The following NELL1 variants were observed in gnomAD, a reference collection of about 807,000 sequenced individuals.
The protein encoded by NELL1 is neural EGFL like 1.
In NELL1, 76 loss-of-function variants were observed where a neutral mutation model predicts 107.4. That is an observed-to-expected ratio of 0.71 (90% confidence interval 0.59 to 0.86). The LOEUF is 0.86. Ranked by LOEUF, NELL1 falls within the 40% of genes least tolerant of loss-of-function variation. The pLI is 0.00. For missense variants in NELL1, 1,024 were observed against 1,005.5 expected, an observed-to-expected ratio of 1.02 and a Z score of -0.25; for synonymous variants, 353 against 341.2, an observed-to-expected ratio of 1.03 and a Z score of -0.38.
chr11:21,358,293 A>C (rs1016609518), intron 14 of NELL1, among the ~76,000 whole-genome samples: 2 of 152,062 alleles, frequency 1.3e-5, no homozygotes, highest in Non-Finnish European at 2.9e-5. Context: ...ATGTGTCTCC[A>C]TTTGTTTGTG....
chr11:21,133,112 A>G (rs1855662794), intron 13 of NELL1, among the ~76,000 whole-genome samples: 1 of 152,108 alleles, frequency 6.6e-6, no homozygotes, highest in Non-Finnish European at 1.5e-5. Context: ...CATCCCAACA[A>G]GTGTCCAGCT....
chr11:21,531,916 A>T (rs1383533229), intron 15 of NELL1, among the ~76,000 whole-genome samples: 1 of 152,140 alleles, frequency 6.6e-6, no homozygotes, highest in Non-Finnish European at 1.5e-5. Context: ...TGGGTCTGTG[A>T]TGGTTGCTTT....
chr11:20,951,517 G>C (rs1851068172), intron 11 of NELL1, among the ~76,000 whole-genome samples: 1 of 151,972 alleles, frequency 6.6e-6, no homozygotes, highest in Non-Finnish European at 1.5e-5. Flanking sequence ...CCAAGCTAGG[G>C]GCTCAGATAC....
At chr11:21,431,745 C>T (rs1852970195) in intron 15 of NELL1, among the ~76,000 whole-genome samples, 2 of 152,174 alleles carry the variant, frequency 1.3e-5, no homozygotes, top group Non-Finnish European at 2.9e-5. Context: ...CTGTTTTGCT[C>T]TTTCTCCTTT....
intron 12 of NELL1, among the ~76,000 whole-genome samples, chr11:21,110,581 G>A (rs1188394694): frequency 2.0e-5 from 3 of 152,122 alleles, no homozygotes; most frequent in Non-Finnish European, 4.4e-5. Context: ...TCTCTGGAAG[G>A]TGTTGACAAG....
chr11:21,319,200 G>C (rs1849947917), intron 14 of NELL1, among the ~76,000 whole-genome samples: 1 of 151,462 alleles, frequency 6.6e-6, no homozygotes, highest in Non-Finnish European at 1.5e-5. Flanking sequence ...TTTTGAGACA[G>C]AGTCTTGCTA....
intron 14 of NELL1, among the ~76,000 whole-genome samples, chr11:21,310,077 A>AT (rs151295510): frequency 0.017 from 2,576 of 152,200 alleles, 81 homozygotes; most frequent in African/African-American, 0.06. Context: ...TAGATGAATT[A>AT]TTTTTTAACC....
At chr11:20,930,446 G>T (rs768418169) in intron 9 of NELL1, among the ~76,000 whole-genome samples, 20 of 151,958 alleles carry the variant, frequency 1.3e-4, no homozygotes, top group Non-Finnish European at 2.6e-4. Flanking sequence ...CCCATTGTTT[G>T]GCTGTTGCAT....
At chr11:21,230,404 G>A (rs948848000) in intron 14 of NELL1, among the ~76,000 whole-genome samples, 1 of 152,098 alleles carries the variant, frequency 6.6e-6, no homozygotes, top group Non-Finnish European at 1.5e-5. Context: ...ATTGTCCCTG[G>A]CATTTAGAGT....
intron 4 of NELL1, among the ~76,000 whole-genome samples, chr11:20,851,697 C>T (rs1407487931): frequency 2.0e-5 from 3 of 152,134 alleles, no homozygotes; most frequent in Non-Finnish European, 4.4e-5. Flanking sequence ...TTCATTCAGC[C>T]CATCAAATTT....
At chr11:21,468,954 G>C (rs1431322028) in intron 15 of NELL1, among the ~76,000 whole-genome samples, 1 of 151,900 alleles carries the variant, frequency 6.6e-6, no homozygotes, top group Non-Finnish European at 1.5e-5. Flanking sequence ...TCTGCCTTTA[G>C]ACACTTGAGA....
At chr11:20,704,458 A>C (rs768435688) in intron 2 of NELL1, among the ~76,000 whole-genome samples, 62 of 152,118 alleles carry the variant, frequency 4.1e-4, no homozygotes, top group Non-Finnish European at 8.4e-4. Context: ...CTCTTTATCC[A>C]ATTTGCCAGT....
chr11:21,306,000 T>C (rs1437694836), intron 14 of NELL1, among the ~76,000 whole-genome samples: 3 of 151,958 alleles, frequency 2.0e-5, no homozygotes, highest in Non-Finnish European at 4.4e-5. Context: ...TTTGCATCAA[T>C]TCTGTATGCC....
chr11:21,316,094 T>C (rs1849875489), intron 14 of NELL1, among the ~76,000 whole-genome samples: 1 of 152,202 alleles, frequency 6.6e-6, no homozygotes, highest in Non-Finnish European at 1.5e-5. Flanking sequence ...CAAAAATATG[T>C]TGACTTATAG....
At chr11:21,105,381 T>C (rs1590640554) in intron 12 of NELL1, among the ~76,000 whole-genome samples, 1 of 152,298 alleles carries the variant, frequency 6.6e-6, no homozygotes, top group East Asian at 1.9e-4. Flanking sequence ...AAAGACTGGT[T>C]GAACCAGATG....
chr11:20,698,699 A>C (rs2133876947), intron 2 of NELL1, among the ~76,000 whole-genome samples: 1 of 152,222 alleles, frequency 6.6e-6, no homozygotes, highest in South Asian at 2.1e-4. Context: ...TTACATGGAT[A>C]AGTTATTTAG....
chr11:21,342,642 T>TAAAAA (rs369016970), intron 14 of NELL1, among the ~76,000 whole-genome samples: 2 of 120,766 alleles, frequency 1.7e-5, no homozygotes, highest in South Asian at 2.6e-4. Context: ...AGACTGTCTT[T>TAAAAA]AAAAAAAAAA....
At chr11:21,541,512 G>A (rs1044549487) in intron 16 of NELL1, among the ~76,000 whole-genome samples, 3 of 152,112 alleles carry the variant, frequency 2.0e-5, no homozygotes, top group Admixed American at 6.6e-5. Context: ...CTCAGTGCCT[G>A]TTTTTCATAG....
chr11:21,338,638 A>G (rs926852015), intron 14 of NELL1, among the ~76,000 whole-genome samples: 2 of 152,142 alleles, frequency 1.3e-5, no homozygotes, highest in African/African-American at 4.8e-5. Flanking sequence ...AATAGCCAAC[A>G]TCATTCATCC....
Sources: gnomAD v4.1 joint callset for allele counts (sites outside exome capture counted in the v4.1 genomes callset) on GRCh38, gnomAD v4.1.1 for gene constraint, MANE v1.5 for transcripts, NCBI Gene and HGNC (gene_info 2026-07-23, HGNC 2026-07-21) for gene names.